TRAPPC12: variants seen among roughly 807,000 people sequenced by gnomAD.
TRAPPC12 encodes TPR repeat protein 15.
A neutral mutation model predicts 69.2 loss-of-function variants in TRAPPC12; 61 were observed. The ratio of observed to expected loss-of-function variants is 0.88; its 90% confidence interval spans 0.72 to 1.09. The LOEUF is 1.09. Among genes scored for constraint, TRAPPC12 ranks in the 50% least tolerant of loss-of-function variants. The pLI, the probability that TRAPPC12 is intolerant of heterozygous loss-of-function variation, is 0.00. For missense variants in TRAPPC12, 1,101 were observed against 1,016.4 expected (o/e 1.08, Z -1.13); for synonymous variants, 469 against 438.9 (o/e 1.07, Z -0.86).
In TRAPPC12 at chr2:3,388,542, A is replaced by AACG; in HGVS notation, c.923_925dup (p.Asp308dup). 6.2e-7 allele frequency: 1 copy of AACG among 1,613,036 alleles called. No individual in the cohort carries two copies. On this transcript the variant is annotated inframe_insertion, in exon 2 of 12. Transcript: ENST00000324266. ...GAGCATGAGCGAGATGGACCGGAGG[A>AACG]ACGACGCCTGGCTTCCCGGCGAGGC...
Position 3,379,774 on chromosome 2 carries a change from G to T in TRAPPC12, c.-107G>T, listed in dbSNP as rs968909889. ...GCGCAGGCGTACAGAGCTCCCCGGG[G>T]GTGCCAGTTCCTCTCCGATTCCCGG... On this transcript the variant is annotated 5_prime_UTR_variant, in exon 1 of 12. Coordinates refer to ENST00000324266, the MANE Select transcript of TRAPPC12 (RefSeq NM_016030.6). 3.3e-5 allele frequency: 5 copies of T among 152,262 alleles called. No homozygotes were observed. The highest frequency in any genetic ancestry group is 6.6e-5 in the Admixed American group (1 of 15,266). The allele number at this position is 152,262 out of a possible 1,614,324, so 9.4% of individuals were successfully genotyped here.
At chr2:3,400,221 A>G (rs1572099221) in intron 2 of TRAPPC12, among the ~76,000 whole-genome samples, 1 of 151,930 alleles carries the variant, frequency 6.6e-6, no homozygotes, top group East Asian at 1.9e-4. Flanking sequence ...TCCTCCTCCC[A>G]GGATGCTCAC....
At chr2:3,465,164 C>T (rs140259099) in intron 8 of TRAPPC12, among the ~76,000 whole-genome samples, 105 of 152,298 alleles carry the variant, frequency 6.9e-4, no homozygotes, top group African/African-American at 2.4e-3. Flanking sequence ...GCATAGAAAA[C>T]GTTTAAGAGA....
chr2:3,417,899 C>T (rs953191025), intron 3 of TRAPPC12, among the ~76,000 whole-genome samples: 4 of 102,790 alleles, frequency 3.9e-5, no homozygotes, highest in Admixed American at 8.8e-5. Flanking sequence ...AAACTTTAGC[C>T]GGGCGTGGTG....
intron 5 of TRAPPC12, among the ~76,000 whole-genome samples, chr2:3,426,312 G>A (rs1464375345): frequency 6.6e-6 from 1 of 152,244 alleles, no homozygotes; most frequent in Admixed American, 6.5e-5. Context: ...AACCAAGCTA[G>A]GTAGCCACAG....
chr2:3,448,692 CG>C (rs1423651659), intron 6 of TRAPPC12, among the ~76,000 whole-genome samples: 2 of 145,268 alleles, frequency 1.4e-5, no homozygotes, highest in African/African-American at 2.7e-5. Context: ...GGAGAGCAGC[CG>C]GTTACGCGAG....
intron 10 of TRAPPC12, 164 bp downstream of exon 10, chr2:3,477,959 T>G (rs1351121488): frequency 2.2e-6 from 1 of 461,284 alleles, no homozygotes; most frequent in Non-Finnish European, 3.9e-6. Flanking sequence ...GGTGTTTTCT[T>G]GAATCGCAGT....
intron 6 of TRAPPC12, 28 bp downstream of exon 6, chr2:3,443,919 C>G: frequency 6.5e-7 from 1 of 1,542,298 alleles, no homozygotes; most frequent in Non-Finnish European, 9.0e-7. Flanking sequence ...TCTTCCCTGC[C>G]ACGGGGAGAA....
chr2:3,430,128 C>T (rs1272725328), intron 5 of TRAPPC12, among the ~76,000 whole-genome samples: 1 of 152,022 alleles, frequency 6.6e-6, no homozygotes, highest in African/African-American at 2.4e-5. Context: ...TTTTTTTTCC[C>T]CACTTTCCAT....
Position 3,441,658 on chromosome 2 carries a change from TTTA to T in TRAPPC12, c.1418-2115_1418-2113del, listed in dbSNP as rs529472920. 2.2e-3 allele frequency among the ~76,000 whole-genome samples: 308 copies of T among 142,510 alleles called. 1 individual carries two copies. Among genetic ancestry groups the T allele is most frequent in the African/African-American group, 6.3e-3 (253 of 40,342 alleles). The allele number at this position is 142,510 out of a possible 152,430, so 93.5% of individuals were successfully genotyped here. On this transcript the variant is annotated intron_variant, in intron 5 of 11. Coordinates refer to ENST00000324266, the MANE Select transcript of TRAPPC12 (RefSeq NM_016030.6). ...TTTCTTATTATAATACAATAATATT[TTTA>T]TTATTTTCTTATAATAAAATATTTT...
At chr2:3,385,214 CCTTA>C (rs1297708047) in intron 1 of TRAPPC12, among the ~76,000 whole-genome samples, 1 of 152,094 alleles carries the variant, frequency 6.6e-6, no homozygotes, top group Non-Finnish European at 1.5e-5. Flanking sequence ...ACCCTCAGAT[CCTTA>C]CTTACAAGCA....
intron 9 of TRAPPC12, among the ~76,000 whole-genome samples, chr2:3,470,377 G>A (rs188004109): frequency 7.2e-4 from 110 of 152,378 alleles, no homozygotes; most frequent in Non-Finnish European, 1.4e-3. Context: ...GCTGCTGTGC[G>A]TGGTTCGCAG....
chr2:3,475,965 C>T (rs750206132), intron 9 of TRAPPC12, among the ~76,000 whole-genome samples: 5 of 152,200 alleles, frequency 3.3e-5, no homozygotes, highest in African/African-American at 4.8e-5. Flanking sequence ...GTGTCTCACA[C>T]GGTCCTGTTA....
chr2:3,479,058 G>A lies in TRAPPC12; in HGVS notation c.1965+125G>A, dbSNP rs950383954. On this transcript the variant is annotated intron_variant, in intron 11 of 11. Transcript: ENST00000324266. ...TCCAGTCCACCAGCTCCAGGCAGTGGCTGTGGCCCTTAGGGGAAGTGACCC... is the reference window on the plus strand; with the variant it reads ...TCCAGTCCACCAGCTCCAGGCAGTGACTGTGGCCCTTAGGGGAAGTGACCC... 1.3e-5 allele frequency: 19 copies of A among 1,479,268 alleles called. No homozygotes were observed. The Admixed American group carries it at 2.0e-4, about 15-fold the overall frequency. The allele number at this position is 1,479,268 out of a possible 1,614,324, so 91.6% of individuals were successfully genotyped here.
In TRAPPC12 at chr2:3,379,865, G is replaced by C. The variant is rs1480244959; in HGVS notation, c.-16G>C. The C allele has an allele frequency of 1.3e-5, 2 of 152,524 alleles. No homozygotes were observed. Among genetic ancestry groups the C allele is most frequent in the Admixed American group, 1.3e-4 (2 of 15,294 alleles). 9.4% of individuals were successfully genotyped at this position (152,524 alleles called of 1,614,324 possible). On this transcript the variant is annotated 5_prime_UTR_variant, in exon 1 of 12. Transcript: ENST00000324266. ...GTGACCCCTTAGCCCAGCTCCAGTGGGCGGGTGGCAGGTGAGGATCAGGGC... is the reference window on the plus strand; with the variant it reads ...GTGACCCCTTAGCCCAGCTCCAGTGCGCGGGTGGCAGGTGAGGATCAGGGC...
Position 3,473,656 on chromosome 2 carries a change from A to C in TRAPPC12, c.1777-4039A>C, listed in dbSNP as rs188140301. ...CCATGCCCAGCTAAGTTTTTTGTAG[A>C]GAGGGGGTCTTGCCATGTTGCCCAG... On this transcript the variant is annotated intron_variant, in intron 9 of 11. Transcript: ENST00000324266. Among the ~76,000 whole-genome samples, 239 of 152,188 alleles carry C rather than the reference A, an allele frequency of 1.6e-3. 1 individual carries two copies. The highest frequency in any genetic ancestry group is 5.6e-3 in the African/African-American group (232 of 41,532).
At chr2:3,386,228 G>A (rs1374485639) in intron 1 of TRAPPC12, among the ~76,000 whole-genome samples, 1 of 152,076 alleles carries the variant, frequency 6.6e-6, no homozygotes, top group Non-Finnish European at 1.5e-5. Context: ...AAGTAAAAAA[G>A]GTACGTGTTG....
At chr2:3,457,768 C>G in intron 7 of TRAPPC12, 75 bp downstream of exon 7, 1 of 1,573,930 alleles carries the variant, frequency 6.4e-7, no homozygotes, top group Admixed American at 1.8e-5. Flanking sequence ...CCTCTCGCTT[C>G]CTCTCCTTCT....
chr2:3,463,683 C>A (rs1572200018), intron 8 of TRAPPC12, among the ~76,000 whole-genome samples: 2 of 151,938 alleles, frequency 1.3e-5, no homozygotes, highest in Non-Finnish European at 2.9e-5. Context: ...CCCCACCACG[C>A]CCCCACCCTG....
Sources: allele counts gnomAD v4.1 joint callset (sites outside exome capture counted in the v4.1 genomes callset), GRCh38; gene constraint gnomAD v4.1.1; transcripts MANE v1.5; gene names NCBI Gene and HGNC (gene_info 2026-07-23, HGNC 2026-07-21).